AUTS2: variants seen among roughly 807,000 people sequenced by gnomAD.
AUTS2 encodes the protein activator of transcription and developmental regulator AUTS2.
In AUTS2, 17 loss-of-function variants were observed where a neutral mutation model predicts 112.4. That is an observed-to-expected ratio of 0.15 (90% confidence interval 0.10 to 0.23). The LOEUF is 0.23. AUTS2 is among the 10% of genes least tolerant of loss of function. The pLI is 1.00. For synonymous variants in AUTS2, 751 were observed against 702.7 expected (o/e 1.07, Z -1.09); for missense variants, 1,510 against 1,701.6 (o/e 0.89, Z 1.98).
chr7:70,410,241 T>C (rs1472506621), intron 4 of AUTS2, among the ~76,000 whole-genome samples: 1 of 152,184 alleles, frequency 6.6e-6, no homozygotes, highest in African/African-American at 2.4e-5. Flanking sequence ...AGCTCAGTGA[T>C]GCTACTAGGA....
chr7:70,343,435 C>T (rs1261002052), intron 4 of AUTS2, among the ~76,000 whole-genome samples: 1 of 152,160 alleles, frequency 6.6e-6, no homozygotes, highest in African/African-American at 2.4e-5. Context: ...ATTGAAGGCC[C>T]ATTGTGTGCT....
intron 2 of AUTS2, among the ~76,000 whole-genome samples, chr7:69,900,758 A>T (rs910475518): frequency 1.3e-5 from 2 of 152,198 alleles, no homozygotes; most frequent in African/African-American, 4.8e-5. Flanking sequence ...TGGGTTTCAG[A>T]TGGACCCAGA....
At chr7:70,103,566 A>T (rs1804610271) in intron 2 of AUTS2, among the ~76,000 whole-genome samples, 1 of 152,114 alleles carries the variant, frequency 6.6e-6, no homozygotes, top group African/African-American at 2.4e-5. Context: ...TCTCACTTTA[A>T]ATATTTACGT....
intron 5 of AUTS2, among the ~76,000 whole-genome samples, chr7:70,624,674 T>C (rs1804845248): frequency 6.6e-6 from 1 of 152,122 alleles, no homozygotes; most frequent in Non-Finnish European, 1.5e-5. Context: ...GCTAAACATA[T>C]GCTGCTTAGA....
intron 6 of AUTS2, among the ~76,000 whole-genome samples, chr7:70,733,384 C>T (rs1787558284): frequency 6.6e-6 from 1 of 152,174 alleles, no homozygotes; most frequent in African/African-American, 2.4e-5. Context: ...TGCTGCAGGA[C>T]AAATGCTGTA....
intron 1 of AUTS2, among the ~76,000 whole-genome samples, chr7:69,722,472 GC>G (rs1799011558): frequency 6.6e-6 from 1 of 151,626 alleles, no homozygotes; most frequent in African/African-American, 2.4e-5. Context: ...CGCCTTCTGG[GC>G]TCAAACGCTA....
chr7:69,999,485 T>G (rs1263826198), intron 2 of AUTS2, among the ~76,000 whole-genome samples: 2 of 152,220 alleles, frequency 1.3e-5, no homozygotes, highest in Non-Finnish European at 2.9e-5. Context: ...CACATAAATA[T>G]GACTTATTTT....
At chr7:70,196,419 G>C (rs1361510254) in intron 4 of AUTS2, among the ~76,000 whole-genome samples, 1 of 152,208 alleles carries the variant, frequency 6.6e-6, no homozygotes, top group Non-Finnish European at 1.5e-5. Flanking sequence ...ATTTCTTGCT[G>C]AGTAGATGGA....
chr7:70,373,485 G>T (rs1792937532), intron 4 of AUTS2, among the ~76,000 whole-genome samples: 1 of 152,016 alleles, frequency 6.6e-6, no homozygotes, highest in African/African-American at 2.4e-5. Flanking sequence ...CTACTACTGA[G>T]AATTTGCTTG....
At chr7:70,683,543 G>A (rs151272843) in intron 5 of AUTS2, among the ~76,000 whole-genome samples, 1 of 152,226 alleles carries the variant, frequency 6.6e-6, no homozygotes, top group Non-Finnish European at 1.5e-5. Context: ...GCAGTGTCCA[G>A]AGGTGAGCCG....
At chr7:69,965,143 A>C (rs1777670282) in intron 2 of AUTS2, among the ~76,000 whole-genome samples, 2 of 152,086 alleles carry the variant, frequency 1.3e-5, no homozygotes, top group South Asian at 4.2e-4. Flanking sequence ...CCATCAGTGC[A>C]TTTACCGAGT....
intron 1 of AUTS2, among the ~76,000 whole-genome samples, chr7:69,834,508 A>G (rs1319394817): frequency 6.6e-6 from 1 of 152,184 alleles, no homozygotes; most frequent in East Asian, 1.9e-4. Flanking sequence ...CAATCACTTT[A>G]TTCTGGCTCT....
chr7:69,892,898 G>A (rs1370204605), intron 1 of AUTS2, among the ~76,000 whole-genome samples: 3 of 152,218 alleles, frequency 2.0e-5, no homozygotes, highest in Non-Finnish European at 4.4e-5. Flanking sequence ...GTTGATATAT[G>A]TGTGGGTCTC....
intron 4 of AUTS2, among the ~76,000 whole-genome samples, chr7:70,238,274 C>T (rs1019566251): frequency 1.3e-5 from 2 of 152,192 alleles, no homozygotes; most frequent in African/African-American, 2.4e-5. Context: ...CCAGGGGCCA[C>T]CCCCAACAGT....
At chr7:69,645,335 T>C (rs1794978059) in intron 1 of AUTS2, among the ~76,000 whole-genome samples, 1 of 152,178 alleles carries the variant, frequency 6.6e-6, no homozygotes, top group Non-Finnish European at 1.5e-5. Context: ...TTAATTGTAC[T>C]TAGAAGCAAA....
intron 4 of AUTS2, among the ~76,000 whole-genome samples, chr7:70,289,717 G>C (rs958323974): frequency 6.6e-6 from 1 of 152,090 alleles, no homozygotes; most frequent in Non-Finnish European, 1.5e-5. Context: ...GATGATTTTG[G>C]GCTTCCCTTC....
chr7:70,719,028 C>T (rs1266321516), intron 6 of AUTS2, among the ~76,000 whole-genome samples: 2 of 152,124 alleles, frequency 1.3e-5, no homozygotes, highest in African/African-American at 4.8e-5. Context: ...GATGATACTG[C>T]CATTTATTGA....
At chr7:70,016,791 C>G (rs1188499883) in intron 2 of AUTS2, among the ~76,000 whole-genome samples, 1 of 152,006 alleles carries the variant, frequency 6.6e-6, no homozygotes, top group African/African-American at 2.4e-5. Context: ...TCTCAGCCTC[C>G]CTAGTAGCTG....
chr7:70,435,401 A>G (rs1795850208), intron 4 of AUTS2, among the ~76,000 whole-genome samples: 2 of 152,158 alleles, frequency 1.3e-5, no homozygotes, highest in South Asian at 4.1e-4. Context: ...ATTCACCTTA[A>G]TCCTGTGGCT....
Sources: allele counts gnomAD v4.1 joint callset (sites outside exome capture counted in the v4.1 genomes callset), GRCh38; gene constraint gnomAD v4.1.1; transcripts MANE v1.5; gene names NCBI Gene and HGNC (gene_info 2026-07-23, HGNC 2026-07-21).